Variants in RAD51B observed in about 807,000 individuals in gnomAD.
The protein encoded by RAD51B is RAD51 paralog B, also known as DNA repair protein RAD51 homolog 2.
In RAD51B, 38 loss-of-function variants were observed where a neutral mutation model predicts 42.2. That is an observed-to-expected ratio of 0.90 (90% confidence interval 0.70 to 1.18). The LOEUF is 1.18. RAD51B is among the 50% of genes most tolerant of loss of function. RAD51B has a pLI of 0.00. For missense variants in RAD51B, 373 were observed against 400.7 expected, an observed-to-expected ratio of 0.93 and a Z score of 0.59; for synonymous variants, 154 against 145.2, an observed-to-expected ratio of 1.06 and a Z score of -0.43.
At chr14:67,866,209 T>G (rs1396078224) in intron 5 of RAD51B, among the ~76,000 whole-genome samples, 1 of 152,244 alleles carries the variant, frequency 6.6e-6, no homozygotes, top group African/African-American at 2.4e-5. Context: ...TTTAAAAGCC[T>G]TATTGATCAA....
rs181982480 is a variant in RAD51B at position 68,578,903 on chromosome 14, G to C, written c.1037-15582G>C. On this transcript the variant is annotated intron_variant, in intron 10 of 10. Transcript: ENST00000487270. ...GAAATATCAAGGGTTCAGGGGGCTG[G>C]GTCATAGGCTTGCTTTCCTTCTAGC... 2.0e-5 allele frequency among the ~76,000 whole-genome samples: 3 copies of C among 152,266 alleles called. No homozygotes were observed. The East Asian group carries it at 5.8e-4, about 29-fold the overall frequency.
chr14:68,344,225 C>A (rs999195689), intron 8 of RAD51B, among the ~76,000 whole-genome samples: 7 of 152,242 alleles, frequency 4.6e-5, no homozygotes, highest in Admixed American at 6.5e-5. Flanking sequence ...TGCAGACACT[C>A]AACTCCAACC....
At chr14:68,458,630 C>G (rs1347290493) in intron 9 of RAD51B, among the ~76,000 whole-genome samples, 2 of 150,824 alleles carry the variant, frequency 1.3e-5, no homozygotes, top group Non-Finnish European at 3.0e-5. Context: ...ACCTCAGGGT[C>G]AAAATTCCTA....
chr14:68,671,405 C>T (rs549630308), intron 11 of RAD51B, among the ~76,000 whole-genome samples: 7 of 152,162 alleles, frequency 4.6e-5, no homozygotes, highest in Non-Finnish European at 8.8e-5. Flanking sequence ...CATGCCCTCC[C>T]CTATGTGGAT....
intron 8 of RAD51B, among the ~76,000 whole-genome samples, chr14:68,331,367 C>CAAAAAAAAAAGAAAAAAAAAAAAA (rs2082345200): frequency 3.0e-5 from 1 of 32,948 alleles, no homozygotes; most frequent in Non-Finnish European, 7.6e-5. Context: ...GACTCTGTCT[C>CAAAAAAAAAAGAAAAAAAAAAAAA]AAAAAAAAAA....
chr14:67,821,428 T>G (rs1318374163), intron 1 of RAD51B, among the ~76,000 whole-genome samples: 1 of 152,100 alleles, frequency 6.6e-6, no homozygotes, highest in Non-Finnish European at 1.5e-5. Flanking sequence ...GTTGTTAAAG[T>G]CCTTGTAGTT....
chr14:68,484,622 G>T (rs1242286773), intron 10 of RAD51B, among the ~76,000 whole-genome samples: 1 of 152,128 alleles, frequency 6.6e-6, no homozygotes, highest in Admixed American at 6.5e-5. Flanking sequence ...CTCCCAAAGT[G>T]CTGGGATTAC....
intron 9 of RAD51B, among the ~76,000 whole-genome samples, chr14:68,412,069 GT>G (rs2084435923): frequency 6.6e-6 from 1 of 152,128 alleles, no homozygotes; most frequent in South Asian, 2.1e-4. Context: ...CCTATTTGTG[GT>G]TTCTATCCTG....
intron 11 of RAD51B, among the ~76,000 whole-genome samples, chr14:68,680,592 TC>T (rs1893405826): frequency 6.6e-6 from 1 of 152,192 alleles, no homozygotes. Context: ...GTCCCGTTCC[TC>T]TTCCCGTTAG....
Position 68,008,370 on chromosome 14 carries a change from A to G in RAD51B, c.756+121166A>G, listed in dbSNP as rs148187685. On this transcript the variant is annotated intron_variant, in intron 7 of 10. Transcript: ENST00000471583. ...GATACAAAGCTGTGTAAAATGTATGATAACAATTCATAAAAAGCAACATTC... is the reference window on the plus strand; with the variant it reads ...GATACAAAGCTGTGTAAAATGTATGGTAACAATTCATAAAAAGCAACATTC... Among the ~76,000 whole-genome samples, 22 of 152,086 alleles carry G rather than the reference A, an allele frequency of 1.4e-4. No individual in the cohort carries two copies. In the East Asian group the frequency reaches 4.0e-3, roughly 28 times the overall value.
intron 5 of RAD51B, among the ~76,000 whole-genome samples, chr14:67,880,451 A>G (rs762833700): frequency 4.6e-5 from 7 of 152,208 alleles, no homozygotes; most frequent in Non-Finnish European, 1.0e-4. Context: ...GTACTTCAGA[A>G]TGTAGTAGAA....
At chr14:68,231,455 A>C (rs1407038334) in intron 7 of RAD51B, among the ~76,000 whole-genome samples, 1 of 151,940 alleles carries the variant, frequency 6.6e-6, no homozygotes, top group Non-Finnish European at 1.5e-5. Flanking sequence ...TTTCCCCTAA[A>C]CCATCATTCT....
intron 7 of RAD51B, among the ~76,000 whole-genome samples, chr14:67,959,505 C>G (rs1198164851): frequency 1.3e-5 from 2 of 152,068 alleles, no homozygotes; most frequent in East Asian, 3.9e-4. Context: ...CCTCAGCCTC[C>G]CAAAGTGCTG....
intron 7 of RAD51B, among the ~76,000 whole-genome samples, chr14:68,267,587 G>A (rs758767387): frequency 7.9e-5 from 12 of 152,164 alleles, no homozygotes; most frequent in Non-Finnish European, 1.6e-4. Context: ...CCACTTTGTA[G>A]AGGGATTATG....
At chr14:67,995,944 C>T (rs2075376955) in intron 7 of RAD51B, among the ~76,000 whole-genome samples, 1 of 152,034 alleles carries the variant, frequency 6.6e-6, no homozygotes, top group Non-Finnish European at 1.5e-5. Flanking sequence ...AAAAATCTGC[C>T]TTCTCTACAT....
At chr14:68,538,545 CCA>C (rs1887774560) in intron 10 of RAD51B, among the ~76,000 whole-genome samples, 3 of 151,888 alleles carry the variant, frequency 2.0e-5, no homozygotes, top group African/African-American at 7.3e-5. Flanking sequence ...TATGGGGCCT[CCA>C]TTTGTACTCT....
At chr14:68,418,891 T>C (rs2084627008) in intron 9 of RAD51B, among the ~76,000 whole-genome samples, 1 of 152,240 alleles carries the variant, frequency 6.6e-6, no homozygotes, top group Non-Finnish European at 1.5e-5. Context: ...TGAACTGATT[T>C]ACAAATGAAT....
intron 7 of RAD51B, among the ~76,000 whole-genome samples, chr14:68,025,141 CA>C (rs2075932005): frequency 6.6e-6 from 1 of 151,956 alleles, no homozygotes; most frequent in Non-Finnish European, 1.5e-5. Context: ...TGTTGTGAAT[CA>C]CATTGATTGA....
intron 10 of RAD51B, among the ~76,000 whole-genome samples, chr14:68,530,456 A>G (rs989149139): frequency 6.7e-6 from 1 of 149,756 alleles, no homozygotes; most frequent in African/African-American, 2.4e-5. Context: ...CAAAAAAAAA[A>G]AAAAAAAAAA....
Sources: gnomAD v4.1 joint callset for allele counts (sites outside exome capture counted in the v4.1 genomes callset) on GRCh38, gnomAD v4.1.1 for gene constraint, MANE v1.5 for transcripts, NCBI Gene and HGNC (gene_info 2026-07-23, HGNC 2026-07-21) for gene names.